The following SEC61A1 variants were observed in gnomAD, a reference collection of about 807,000 sequenced individuals.
SEC61A1 encodes the protein SEC61 translocon subunit alpha 1.
SEC61A1 carries 15 observed loss-of-function variants against 55.2 expected under a neutral mutation model. That is an observed-to-expected ratio of 0.27 (90% CI 0.18 to 0.42). The LOEUF (loss-of-function observed/expected upper bound fraction) is 0.42, where lower values mean the gene tolerates loss of function less well. Ranked by LOEUF, SEC61A1 falls within the 10% of genes least tolerant of loss-of-function variation. SEC61A1 has a pLI of 1.00. For missense variants in SEC61A1, 284 were observed against 602.6 expected (o/e 0.47, Z 5.53); for synonymous variants, 247 against 234.0 (o/e 1.06, Z -0.51).
intron 7 of SEC61A1, among the ~76,000 whole-genome samples, chr3:128,063,344 TTTG>T (rs979330693): frequency 9.2e-5 from 14 of 152,330 alleles, no homozygotes; most frequent in African/African-American, 3.4e-4. Context: ...TATTTGACTT[TTTG>T]TTGTTGTTGA....
Position 128,064,951 on chromosome 3 carries a change from C to T in SEC61A1, c.691C>T (p.Arg231Trp). 1.9e-6 allele frequency: 3 copies of T among 1,614,192 alleles called. No individual in the cohort carries two copies. Among genetic ancestry groups the T allele is most frequent in the South Asian group, 1.1e-5 (1 of 91,080 alleles). ...ACGCACAGACAAGGTCCGAGCCCTT[C>T]GGGAGGCGTTCTACCGCCAGAATCT... ...ATRTDKVRAL[R>W]EAFYRQNLPN... The change falls in exon 8 of 12, where the codon CGG becomes TGG. Residue 231 changes from arginine (R) to tryptophan (W), a missense_variant. Transcript: ENST00000243253.
At chr3:128,068,493 T>G (rs1477123672) in intron 11 of SEC61A1, 1 of 168,292 alleles carries the variant, frequency 5.9e-6, no homozygotes, top group East Asian at 1.7e-4. Flanking sequence ...GCATTAAGGC[T>G]AGAGAGGCTG....
intron 7 of SEC61A1, among the ~76,000 whole-genome samples, chr3:128,063,832 G>C (rs1559796893): frequency 6.6e-6 from 1 of 152,138 alleles, no homozygotes; most frequent in African/African-American, 2.4e-5. Context: ...TCGCTTTTTA[G>C]TTTTTTAACG....
At position 128,055,699 on chromosome 3, in the gene SEC61A1, A is replaced by G; in HGVS notation, c.168A>G (p.Ser56=). 1.2e-6 allele frequency: 2 copies of G among 1,614,180 alleles called. No homozygotes were observed. The highest frequency in any genetic ancestry group is 2.2e-5 in the South Asian group (2 of 91,088). The change falls in exon 4 of 12, where the codon TCA becomes TCG. Residue 56 remains serine (S), a synonymous_variant. Coordinates refer to ENST00000243253, the MANE Select transcript of SEC61A1 (RefSeq NM_013336.4). The part of the protein sequence containing the change: ...CQIPLFGIMS[S]DSADPFYWMR... ...TTCCCCTGTTTGGGATCATGTCTTC[A>G]GATTCAGCTGACCCTTTCTATTGGA...
At chr3:128,051,915 G>A, upstream of SEC61A1, 1 of 1,533,168 alleles carries the variant, frequency 6.5e-7, no homozygotes, top group Non-Finnish European at 8.7e-7. Context: ...TGCTCGGTAA[G>A]CCCCACCAGC....
intron 8 of SEC61A1, among the ~76,000 whole-genome samples, chr3:128,065,498 C>T (rs1246750262): frequency 6.6e-6 from 1 of 152,048 alleles, no homozygotes; most frequent in African/African-American, 2.4e-5. Flanking sequence ...ACCTGAACTG[C>T]TATTGTTTTC....
At chr3:128,060,375 ACCG>A (rs1941834324) in intron 6 of SEC61A1, 130 bp from the exon 7 acceptor site, 1 of 1,129,390 alleles carries the variant, frequency 8.9e-7, no homozygotes, top group Non-Finnish European at 1.3e-6. Context: ...GGCTTTACTG[ACCG>A]CTCTCTGGGG....
intron 3 of SEC61A1, 31 bp downstream of exon 3, chr3:128,055,612 A>G (rs1265401616): frequency 1.2e-6 from 2 of 1,609,482 alleles, no homozygotes; most frequent in South Asian, 2.2e-5. Flanking sequence ...CGTATTGGGG[A>G]GGGGGATAAG....
chr3:128,052,738 C>G, intron 1 of SEC61A1, 97 bp from the exon 2 acceptor site: 1 of 1,495,420 alleles, frequency 6.7e-7, no homozygotes. Flanking sequence ...CCCCTGGCCC[C>G]TGCTCTCACT....
At chr3:128,051,664 A>C (rs1198114312), upstream of SEC61A1, 19 of 1,423,058 alleles carry the variant, frequency 1.3e-5, no homozygotes, top group Non-Finnish European at 1.7e-5. Context: ...TGCTTTGCCC[A>C]CAACAGTCTC....
At chr3:128,053,427 TA>T (rs1339265105) in intron 2 of SEC61A1, among the ~76,000 whole-genome samples, 3 of 152,232 alleles carry the variant, frequency 2.0e-5, no homozygotes, top group African/African-American at 7.2e-5. Context: ...GACGGTGTAT[TA>T]AAACAAGGAA....
At chr3:128,068,643 G>A (rs1942058764) in intron 11 of SEC61A1, 1 of 154,416 alleles carries the variant, frequency 6.5e-6, no homozygotes, top group Non-Finnish European at 1.4e-5. Flanking sequence ...TACCTGCCAG[G>A]CTGTGGTGAG....
rs577638039 is a variant in SEC61A1 at position 128,065,910 on chromosome 3, T to C, written c.777+873T>C. On this transcript the variant is annotated intron_variant, in intron 8 of 11. Transcript: ENST00000243253. ...GTGCCTGTCACCACGCCCGGCTAAT[T>C]TTTTTTTATTTTTAGTATAGACAGG... Among the ~76,000 whole-genome samples, 6 of 151,356 alleles carry C rather than the reference T, an allele frequency of 4.0e-5. No homozygotes were observed. The South Asian group carries it at 1.3e-3, about 32-fold the overall frequency.
chr3:128,056,550 C>G (rs975855215), intron 4 of SEC61A1, among the ~76,000 whole-genome samples, 159 bp from the exon 5 acceptor site: 1 of 152,168 alleles, frequency 6.6e-6, no homozygotes, highest in African/African-American at 2.4e-5. Flanking sequence ...ATATACTAAT[C>G]GTTGATATTT....
chr3:128,065,580 CAG>C (rs1338264253), intron 8 of SEC61A1, among the ~76,000 whole-genome samples: 4 of 152,060 alleles, frequency 2.6e-5, no homozygotes, highest in African/African-American at 7.2e-5. Context: ...AAAGAAGGGA[CAG>C]AGATGAAAGG....
intron 1 of SEC61A1, 28 bp downstream of exon 1, chr3:128,052,587 G>C: frequency 6.3e-7 from 1 of 1,590,648 alleles, no homozygotes; most frequent in Non-Finnish European, 8.6e-7. Context: ...GCCCTATTGA[G>C]GCCGGGACGG....
intron 5 of SEC61A1, among the ~76,000 whole-genome samples, chr3:128,057,214 G>T (rs147001746): frequency 6.6e-6 from 1 of 152,204 alleles, no homozygotes; most frequent in African/African-American, 2.4e-5. Flanking sequence ...TTATAGGCGT[G>T]AGCCACCATG....
Position 128,067,907 on chromosome 3 carries a change from C to A in SEC61A1, c.1168-76C>A. ...CAGTGCTCGAAGAGGCGATCTGTAA[C>A]TGTTCAGTACCACTTGGAATGCCTA... On this transcript the variant is annotated intron_variant, in intron 10 of 11. Coordinates refer to ENST00000243253, the MANE Select transcript of SEC61A1 (RefSeq NM_013336.4). The surrounding 1 kb of genome is among the most constrained non-coding windows in gnomAD (Gnocchi z 4.1). 8.7e-7 allele frequency: 1 copy of A among 1,148,714 alleles called. No homozygotes were observed. The highest frequency in any genetic ancestry group is 1.3e-6 in the Non-Finnish European group (1 of 760,118). 71.2% of individuals were successfully genotyped at this position (1,148,714 alleles called of 1,614,324 possible).
chr3:128,064,856 T>C, intron 7 of SEC61A1, 21 bp from the exon 8 acceptor site: 1 of 1,568,498 alleles, frequency 6.4e-7, no homozygotes, highest in South Asian at 1.2e-5. Flanking sequence ...CCTTCATATA[T>C]GTCTCCTCCT....
Sources: gnomAD v4.1 joint callset for allele counts (sites outside exome capture counted in the v4.1 genomes callset) on GRCh38, gnomAD v4.1.1 for gene constraint, Gnocchi (gnomAD v3.1) non-coding constraint, MANE v1.5 for transcripts, NCBI Gene and HGNC (gene_info 2026-07-23, HGNC 2026-07-21) for gene names.